The following AADACL2 variants were observed in gnomAD, a reference collection of about 807,000 sequenced individuals.
The protein encoded by AADACL2 is arylacetamide deacetylase like 2, also known as arylacetamide deacetylase-like 2.
Under a neutral mutation model 22.3 loss-of-function variants are expected in AADACL2, and 23 were observed. That is an observed-to-expected ratio of 1.03 (90% CI 0.74 to 1.46). AADACL2 has a LOEUF of 1.46. Ranked by LOEUF, AADACL2 falls within the 40% of genes most tolerant of loss-of-function variation. The pLI, the probability that AADACL2 is intolerant of heterozygous loss-of-function variation, is 0.00. For synonymous variants in AADACL2, 177 were observed against 166.2 expected (o/e 1.07, Z -0.50); for missense variants, 472 against 482.9 (o/e 0.98, Z 0.21).
intron 4 of AADACL2, among the ~76,000 whole-genome samples, chr3:151,749,344 T>C (rs1163963807): frequency 1.3e-5 from 2 of 152,298 alleles, no homozygotes; most frequent in African/African-American, 4.8e-5. Context: ...TAGTTTGTTG[T>C]TGGTATATAG....
At chr3:151,747,017 G>T (rs912480360) in intron 4 of AADACL2, among the ~76,000 whole-genome samples, 2 of 151,602 alleles carry the variant, frequency 1.3e-5, no homozygotes, top group Non-Finnish European at 2.9e-5. Flanking sequence ...GGTTTTGAGA[G>T]AAAAATTACA....
At position 151,760,710 on chromosome 3, in the gene AADACL2, G is replaced by C. The variant is rs957066805; in HGVS notation, c.*3116G>C. ...TCCAGCATTGTGTTTGTTTGCTAGA[G>C]CTGCTATAACAAAGTATCACAAACT... is the stretch of plus-strand genomic sequence containing the variant. On this transcript the variant is annotated 3_prime_UTR_variant, in exon 5 of 5. Transcript: ENST00000356517. 6.6e-6 allele frequency: 1 copy of C among 152,152 alleles called. No homozygotes were observed. Among genetic ancestry groups the C allele is most frequent in the Non-Finnish European group, 1.5e-5 (1 of 68,010 alleles). 9.4% of individuals were successfully genotyped at this position (152,152 alleles called of 1,614,324 possible).
intron 4 of AADACL2, among the ~76,000 whole-genome samples, chr3:151,753,598 T>C (rs1713758433): frequency 6.6e-6 from 1 of 152,080 alleles, no homozygotes; most frequent in South Asian, 2.1e-4. Context: ...AAAGGAAAAT[T>C]AGTGGGGATA....
chr3:151,745,867 C>T (rs1353499114), intron 4 of AADACL2, among the ~76,000 whole-genome samples, 187 bp downstream of exon 4: 2 of 151,952 alleles, frequency 1.3e-5, no homozygotes, highest in African/African-American at 4.8e-5. Flanking sequence ...TTCCATTGAT[C>T]TACATGTCTA....
chr3:151,740,596 G>T, intron 1 of AADACL2, 50 bp from the exon 2 acceptor site: 27 of 1,151,812 alleles, frequency 2.3e-5, no homozygotes, highest in South Asian at 7.1e-5. Context: ...AATATATTTG[G>T]TGTTATTTAA....
Position 151,757,519 on chromosome 3 carries a change from G to T in AADACL2, c.1131G>T (p.Met377Ile). 1 of 1,613,470 alleles carries T rather than the reference G, an allele frequency of 6.2e-7. No individual in the cohort carries two copies. Among genetic ancestry groups the T allele is most frequent in the Non-Finnish European group, 8.5e-7 (1 of 1,179,590 alleles). The change falls in exon 5 of 5, where the codon ATG becomes ATT. Residue 377 changes from methionine to isoleucine, a missense_variant. By Grantham distance (10) the Met-to-Ile change is conservative (BLOSUM62 1). Around this residue, in one of 3 missense-constraint regions of AADACL2, gnomAD observed 113 missense variants for 100.9 expected, o/e 1.12. Coordinates refer to ENST00000356517, the MANE Select transcript of AADACL2 (RefSeq NM_207365.4). ...GAATTCATGGAGCTTTATCATTCAT[G>T]ACTTCACCATTTTATTTACGTCTAG... ...EDGIHGALSFMTSPFYLRLGL... is the reference protein window; with the variant it reads ...EDGIHGALSFITSPFYLRLGL...
rs778983497 is a variant in AADACL2 at position 151,744,158 on chromosome 3, G to A, written c.427G>A (p.Val143Met). 1.5e-5 allele frequency: 25 copies of A among 1,613,488 alleles called. No individual in the cohort carries two copies. The highest frequency in any genetic ancestry group is 7.7e-5 in the South Asian group (7 of 90,978). ...CACGCTTGATGCTGTTGTTGTAGGC[G>A]TGGAGTAAGAATGATTTTTTTCTGG... Reference protein sequence around the residue: ...ANTLDAVVVGVDYRLAPQHHF... With the variant: ...ANTLDAVVVGMDYRLAPQHHF... Residue 143 changes from valine to methionine, a missense_variant, in exon 3 of 5, where the codon GTG becomes ATG. Val to Met is a conservative substitution (Grantham distance 21, BLOSUM62 1). Around this residue, in one of 3 missense-constraint regions of AADACL2, gnomAD observed 356 missense variants for 365.5 expected, o/e 0.97. Coordinates refer to ENST00000356517, the MANE Select transcript of AADACL2 (RefSeq NM_207365.4).
At position 151,743,760 on chromosome 3, in the gene AADACL2, T is replaced by A. The variant is rs568797401; in HGVS notation, c.362-333T>A. Among the ~76,000 whole-genome samples, 6 of 152,234 alleles carry A rather than the reference T, an allele frequency of 3.9e-5. No homozygotes were observed. In the South Asian group the frequency reaches 1.2e-3, roughly 32 times the overall value. ...TACCATTATTTCAGATGAAGTAAAA[T>A]GCACCAGGATACAAAGGGTCCTGGG... On this transcript the variant is annotated intron_variant, in intron 2 of 4. Transcript: ENST00000356517.
intron 3 of AADACL2, 115 bp from the exon 4 acceptor site, chr3:151,745,394 G>A (rs1188554851): frequency 1.9e-6 from 2 of 1,069,630 alleles, no homozygotes; most frequent in Non-Finnish European, 2.7e-6. Flanking sequence ...GAAAACTTAG[G>A]CTTGATTTTT....
chr3:151,738,769 C>T lies in AADACL2; in HGVS notation c.139-1877C>T, dbSNP rs190682755. 1.1e-4 allele frequency among the ~76,000 whole-genome samples: 16 copies of T among 152,334 alleles called. No individual in the cohort carries two copies. In the East Asian group the frequency reaches 3.1e-3, roughly 29 times the overall value. Reference sequence around the variant, plus strand: ...TGATCTTCAATCCCTGATATCCTTTCTTCCACTCGATTGATTGAGCTATTG... The same window carrying T: ...TGATCTTCAATCCCTGATATCCTTTTTTCCACTCGATTGATTGAGCTATTG... On this transcript the variant is annotated intron_variant, in intron 1 of 4. Coordinates refer to ENST00000356517, the MANE Select transcript of AADACL2 (RefSeq NM_207365.4).
intron 4 of AADACL2, among the ~76,000 whole-genome samples, chr3:151,749,519 G>C (rs1209588802): frequency 6.6e-6 from 1 of 151,994 alleles, no homozygotes; most frequent in African/African-American, 2.4e-5. Flanking sequence ...GTCTCCCTCT[G>C]TTGCCCAGGC....
intron 2 of AADACL2, 145 bp from the exon 3 acceptor site, chr3:151,743,948 C>A: frequency 1.4e-6 from 1 of 714,372 alleles, no homozygotes; most frequent in Non-Finnish European, 2.3e-6. Context: ...CACGTGGATT[C>A]AGGTCCATCT....
intron 2 of AADACL2, among the ~76,000 whole-genome samples, chr3:151,743,195 A>C (rs1252405561): frequency 6.6e-6 from 1 of 152,080 alleles, no homozygotes; most frequent in Non-Finnish European, 1.5e-5. Flanking sequence ...TAGGTGACTT[A>C]CTTTCCTGTT....
At position 151,734,041 on chromosome 3, in the gene AADACL2, G is replaced by A; in HGVS notation, c.6G>A (p.Gly2=). 1 of 1,608,994 alleles carries A rather than the reference G, an allele frequency of 6.2e-7. No homozygotes were observed. The highest frequency in any genetic ancestry group is 8.5e-7 in the Non-Finnish European group (1 of 1,177,206). M[G]LKALCLGLLC... is the part of the protein sequence containing the mutation. ...AAGCTGGAAAAAGGGATATTATGGG[G>A]CTAAAAGCTCTCTGTTTGGGGCTGC... The change falls in exon 1 of 5, where the codon GGG becomes GGA. Residue 2 remains glycine, a synonymous_variant. Transcript: ENST00000356517.
At chr3:151,736,360 G>T (rs1360398564) in intron 1 of AADACL2, among the ~76,000 whole-genome samples, 4 of 150,812 alleles carry the variant, frequency 2.7e-5, no homozygotes, top group Non-Finnish European at 4.4e-5. Context: ...AGAACGTGCA[G>T]GTTTGTTGCA....
chr3:151,757,347 T>A lies in AADACL2; in HGVS notation c.959T>A (p.Leu320Ter). The A allele has an allele frequency of 6.2e-7, 1 of 1,613,798 alleles. No individual in the cohort carries two copies. The highest frequency in any genetic ancestry group is 8.5e-7 in the Non-Finnish European group (1 of 1,179,722). ...PGLTDSRALP[L>*]LANDSQLQNL... ...CTTACAGACAGCAGAGCATTACCCT[T>A]GTTGGCCAATGATTCTCAGTTACAG... Residue 320 changes from leucine (L) to a stop codon, truncating the protein, a stop_gained, in exon 5 of 5, where the codon TTG (leucine) becomes TAG (stop). Transcript: ENST00000356517. LOFTEE classifies it low-confidence loss of function (END_TRUNC).
Position 151,760,606 on chromosome 3 carries a change from A to C in AADACL2, c.*3012A>C, listed in dbSNP as rs901977522. The C allele has an allele frequency of 2.0e-5, 3 of 152,284 alleles. No homozygotes were observed. The highest frequency in any genetic ancestry group is 4.8e-5 in the African/African-American group (2 of 41,456). 9.4% of individuals were successfully genotyped at this position (152,284 alleles called of 1,614,324 possible). On this transcript the variant is annotated 3_prime_UTR_variant, in exon 5 of 5. Transcript: ENST00000356517. The stretch of plus-strand genomic sequence containing the variant: ...TGACACATATATCTAACATGTAAAG[A>C]AGTAACAATTTCCAAAATACCTCCA...
chr3:151,757,539 G>A lies in AADACL2; in HGVS notation c.1151G>A (p.Arg384His), dbSNP rs373909154. The change falls in exon 5 of 5, where the codon CGT (arginine) becomes CAT (histidine). Residue 384 changes from arginine (R) to histidine (H), a missense_variant. By Grantham distance (29) the Arg-to-His change is conservative. Transcript: ENST00000356517. The stretch of plus-strand genomic sequence containing the variant: ...TTCATGACTTCACCATTTTATTTAC[G>A]TCTAGGTCTTAGGATAAGAGATATG... ...LSFMTSPFYLRLGLRIRDMYV... is the reference protein window; with the variant it reads ...LSFMTSPFYLHLGLRIRDMYV... 333 of 1,613,170 alleles carry A rather than the reference G, an allele frequency of 2.1e-4. No homozygotes were observed. Among genetic ancestry groups the A allele is most frequent in the Non-Finnish European group, 2.5e-4 (299 of 1,179,456 alleles).
Position 151,759,909 on chromosome 3 carries a change from C to A in AADACL2, c.*2315C>A, listed in dbSNP as rs985905087. ...TTGGAAACAACTGAATGAAAGTCGT[C>A]TGTTATAATGTATTTTACTTTATTT... On this transcript the variant is annotated 3_prime_UTR_variant, in exon 5 of 5. Transcript: ENST00000356517. The A allele has an allele frequency of 6.6e-6, 1 of 152,102 alleles. No individual in the cohort carries two copies. The highest frequency in any genetic ancestry group is 2.4e-5 in the African/African-American group (1 of 41,430). 9.4% of individuals were successfully genotyped at this position (152,102 alleles called of 1,614,324 possible).
Sources: allele counts gnomAD v4.1 joint callset (sites outside exome capture counted in the v4.1 genomes callset), GRCh38; gene constraint gnomAD v4.1.1; regional missense constraint gnomAD v4.1.1; transcripts MANE v1.5; gene names NCBI Gene and HGNC (gene_info 2026-07-23, HGNC 2026-07-21).